The following EPHA5 variants were observed in gnomAD, a reference collection of about 807,000 sequenced individuals.
EPHA5 encodes the protein EPH receptor A5, also known as ephrin type-A receptor 5.
In EPHA5, 60 loss-of-function variants were observed where a neutral mutation model predicts 105.0. That is an observed-to-expected ratio of 0.57 (90% CI 0.46 to 0.71). EPHA5 has a LOEUF of 0.71. EPHA5 is among the 30% of genes least tolerant of loss of function. The pLI is 0.00. For missense variants in EPHA5, 1,218 were observed against 1,274.7 expected (o/e 0.96, Z 0.68); for synonymous variants, 513 against 449.1 (o/e 1.14, Z -1.80).
At chr4:65,606,055 T>C (rs1744199699) in intron 2 of EPHA5, among the ~76,000 whole-genome samples, 1 of 152,232 alleles carries the variant, frequency 6.6e-6, no homozygotes. Context: ...CTTTGTCTTC[T>C]TGTCAGCATG....
intron 3 of EPHA5, among the ~76,000 whole-genome samples, chr4:65,563,774 T>C (rs973369662): frequency 2.0e-5 from 3 of 152,018 alleles, no homozygotes; most frequent in African/African-American, 7.2e-5. Context: ...AATAAAGCTA[T>C]TTTTCACATT....
At chr4:65,617,317 T>C (rs907350906) in intron 2 of EPHA5, among the ~76,000 whole-genome samples, 2 of 152,082 alleles carry the variant, frequency 1.3e-5, no homozygotes, top group East Asian at 1.9e-4. Flanking sequence ...AATTTTGTCA[T>C]TGGGGCAAAC....
intron 3 of EPHA5, among the ~76,000 whole-genome samples, chr4:65,570,753 A>G (rs78545896): frequency 0.038 from 5,732 of 152,052 alleles, 347 homozygotes; most frequent in African/African-American, 0.13. Context: ...GTATATTTCT[A>G]ACCATTGTCA....
chr4:65,394,731 A>G (rs369776948), intron 8 of EPHA5, among the ~76,000 whole-genome samples: 37 of 152,326 alleles, frequency 2.4e-4, no homozygotes, highest in African/African-American at 8.7e-4. Context: ...TTTATCAGCT[A>G]TAAATTAGAT....
rs144033965 is a variant in EPHA5, at chr4:65,550,631, C to T, written c.910+51010G>A. 1.8e-3 allele frequency among the ~76,000 whole-genome samples: 271 copies of T among 152,094 alleles called. 3 individuals are homozygous for T. The East Asian group carries it at 0.046, about 26-fold the overall frequency. Reference sequence around the variant, plus strand: ...CAGGTGGATCATGAGGTCAGGAGATCGAAATCATCCTTGCTAACACGGGTG... The same window carrying T: ...CAGGTGGATCATGAGGTCAGGAGATTGAAATCATCCTTGCTAACACGGGTG... On this transcript the variant is annotated intron_variant, in intron 3 of 16. Coordinates refer to ENST00000613740, the MANE Select transcript of EPHA5 (RefSeq NM_001281766.3).
Position 65,669,650 on chromosome 4 carries a change from G to T in EPHA5, c.93C>A (p.Cys31Ter). The T allele has an allele frequency of 7.2e-7, 1 of 1,391,354 alleles. No homozygotes were observed. The highest frequency in any genetic ancestry group is 9.4e-7 in the Non-Finnish European group (1 of 1,066,856). The allele number at this position is 1,391,354 out of a possible 1,614,324, so 86.2% of individuals were successfully genotyped here. ...GGGGAGCCCGTCGAGGTGCAGAGTAGCAGCCGGCCAGGGACGCTGGGGTGA... is the reference window on the plus strand; with the variant it reads ...GGGGAGCCCGTCGAGGTGCAGAGTATCAGCCGGCCAGGGACGCTGGGGTGA... ...TPITPASLAG[C>*]YSAPRRAPLW... Residue 31 changes from cysteine (C) to a stop codon, truncating the protein, a stop_gained, in exon 1 of 17, where the codon TGC (cysteine) becomes TGA (stop). Coordinates refer to ENST00000613740, the MANE Select transcript of EPHA5 (RefSeq NM_001281766.3). LOFTEE classifies it high-confidence loss of function.
At chr4:65,550,299 C>A (rs1737774386) in intron 3 of EPHA5, among the ~76,000 whole-genome samples, 2 of 151,890 alleles carry the variant, frequency 1.3e-5, no homozygotes, top group Admixed American at 1.3e-4. Context: ...TCTCTTGATT[C>A]TAGTTATTAA....
intron 2 of EPHA5, among the ~76,000 whole-genome samples, chr4:65,640,177 G>T (rs1221849016): frequency 6.6e-6 from 1 of 151,696 alleles, no homozygotes; most frequent in Non-Finnish European, 1.5e-5. Context: ...CACTCTGCAG[G>T]GTGTGTTAAT....
intron 1 of EPHA5, among the ~76,000 whole-genome samples, chr4:65,654,698 T>C (rs1356323045): frequency 2.0e-5 from 3 of 147,350 alleles, no homozygotes; most frequent in Non-Finnish European, 4.5e-5. Flanking sequence ...TATACATAAA[T>C]ATATAAATGT....
At chr4:65,579,567 T>G (rs1741409755) in intron 3 of EPHA5, among the ~76,000 whole-genome samples, 1 of 151,830 alleles carries the variant, frequency 6.6e-6, no homozygotes, top group Non-Finnish European at 1.5e-5. Context: ...AATTATAAAA[T>G]TATGAGAATA....
chr4:65,465,293 G>A (rs573710076), intron 5 of EPHA5, among the ~76,000 whole-genome samples: 14 of 151,618 alleles, frequency 9.2e-5, no homozygotes, highest in Admixed American at 7.2e-4. Context: ...AAAATTAGCC[G>A]GGCGTGGTCG....
intron 1 of EPHA5, among the ~76,000 whole-genome samples, chr4:65,666,945 C>CT (rs886125483): frequency 6.6e-6 from 1 of 152,030 alleles, no homozygotes; most frequent in East Asian, 1.9e-4. Flanking sequence ...TGTTTTAAAA[C>CT]TTTTTTTCAC....
rs925877983 is a variant in EPHA5 at position 65,323,580 on chromosome 4, G to T, written c.*534C>A. ...TACACACTAGTTTCTATAACTTAAC[G>T]CTGTGTAACAGCATTTTAAAATTAC... On this transcript the variant is annotated 3_prime_UTR_variant, in exon 17 of 17. Coordinates refer to ENST00000613740, the MANE Select transcript of EPHA5 (RefSeq NM_001281766.3). The T allele has an allele frequency of 8.7e-6, 2 of 229,788 alleles. No homozygotes were observed. The highest frequency in any genetic ancestry group is 1.7e-5 in the Non-Finnish European group (2 of 116,028). The allele number at this position is 229,788 out of a possible 1,614,324, so 14.2% of individuals were successfully genotyped here. A position where few individuals can be genotyped will look rare whatever the true frequency, so the allele number is the denominator to read the frequency against.
chr4:65,418,420 A>G (rs764693773), intron 6 of EPHA5, among the ~76,000 whole-genome samples: 2 of 152,198 alleles, frequency 1.3e-5, no homozygotes, highest in Non-Finnish European at 2.9e-5. Context: ...TAATGTCACT[A>G]TATTCCACTT....
intron 5 of EPHA5, among the ~76,000 whole-genome samples, chr4:65,443,535 CAAG>C (rs1429945979): frequency 1.3e-5 from 2 of 151,962 alleles, no homozygotes; most frequent in Non-Finnish European, 1.5e-5. Flanking sequence ...ATATCAGAAA[CAAG>C]AAGCCTGGCT....
intron 3 of EPHA5, among the ~76,000 whole-genome samples, chr4:65,506,454 A>G (rs1204033268): frequency 6.9e-6 from 1 of 145,468 alleles, no homozygotes; most frequent in African/African-American, 2.5e-5. Flanking sequence ...GAAGCAGTTT[A>G]CAGTCCCACC....
At chr4:65,557,604 T>G (rs1470124157) in intron 3 of EPHA5, among the ~76,000 whole-genome samples, 4 of 151,894 alleles carry the variant, frequency 2.6e-5, no homozygotes, top group African/African-American at 7.3e-5. Context: ...GGGCAATGTG[T>G]ATGTGGATAG....
At chr4:65,424,272 T>A (rs1724213014) in intron 5 of EPHA5, among the ~76,000 whole-genome samples, 1 of 152,080 alleles carries the variant, frequency 6.6e-6, no homozygotes, top group Non-Finnish European at 1.5e-5. Flanking sequence ...AAACAATATA[T>A]CTTCCTTACT....
rs758586357 is a variant in EPHA5, at chr4:65,351,587, C to G, written c.2247G>C (p.Gly749=). Residue 749 remains glycine, a synonymous_variant, in exon 13 of 17, where the codon GGG becomes GGC. Coordinates refer to ENST00000613740, the MANE Select transcript of EPHA5 (RefSeq NM_001281766.3). ...SLDTFLKKND[G]QFTVIQLVGM... ...CAACAAGCTGAATCACAGTGAACTG[C>G]CCATCGTTTTTCTGTAAAGACAATG... 1.9e-6 allele frequency: 3 copies of G among 1,613,256 alleles called. No homozygotes were observed. The African/African-American group carries it at 4.0e-5, about 22-fold the overall frequency.
Sources: gnomAD v4.1 joint callset for allele counts (sites outside exome capture counted in the v4.1 genomes callset) on GRCh38, gnomAD v4.1.1 for gene constraint, MANE v1.5 for transcripts, NCBI Gene and HGNC (gene_info 2026-07-23, HGNC 2026-07-21) for gene names.